SMC2: variants seen among roughly 807,000 people sequenced by gnomAD.
SMC2 encodes structural maintenance of chromosomes protein 2.
Under a neutral mutation model 142.6 loss-of-function variants are expected in SMC2, and 41 were observed. The ratio of observed to expected loss-of-function variants is 0.29; its 90% CI spans 0.22 to 0.37. The LOEUF (loss-of-function observed/expected upper bound fraction) is 0.37, where lower values mean the gene tolerates loss of function less well. SMC2 is among the 10% of genes least tolerant of loss of function. The pLI is 1.00. For missense variants in SMC2, 1,265 were observed against 1,373.7 expected (o/e 0.92, Z 1.25); for synonymous variants, 463 against 457.5 (o/e 1.01, Z -0.15).
At chr9:104,112,567 A>T (rs991842610) in intron 10 of SMC2, among the ~76,000 whole-genome samples, 4 of 152,154 alleles carry the variant, frequency 2.6e-5, no homozygotes, top group Non-Finnish European at 5.9e-5. Flanking sequence ...TCATTCAGGC[A>T]TGACAGATGA....
intron 20 of SMC2, 126 bp from the exon 21 acceptor site, chr9:104,129,518 AT>A (rs1003036231): frequency 9.6e-6 from 7 of 727,310 alleles, no homozygotes; most frequent in East Asian, 2.6e-5. Flanking sequence ...AAAAAAAAAA[AT>A]TAGTCATTGA....
At chr9:104,107,396 G>A (rs1831929940) in intron 9 of SMC2, among the ~76,000 whole-genome samples, 1 of 152,158 alleles carries the variant, frequency 6.6e-6, no homozygotes, top group Non-Finnish European at 1.5e-5. Flanking sequence ...GCCATAGACT[G>A]CAGTCAGCAT....
chr9:104,135,068 T>C (rs967836674), intron 23 of SMC2, among the ~76,000 whole-genome samples: 2 of 152,140 alleles, frequency 1.3e-5, no homozygotes, highest in African/African-American at 4.8e-5. Context: ...AACCAAACTG[T>C]TATTTGTTTA....
In SMC2 at chr9:104,113,268, A is replaced by G. The variant is rs755296522; in HGVS notation, c.1255-48A>G. ...AATCTTCGGCCATTTAATTACTAGC[A>G]CTGTCTGCCTCATACATCCTATGGT... On this transcript the variant is annotated intron_variant, in intron 10 of 24. Coordinates refer to ENST00000374793, the MANE Select transcript of SMC2 (RefSeq NM_006444.3). The G allele has an allele frequency of 2.8e-6, 4 of 1,453,520 alleles. No homozygotes were observed. The South Asian group carries it at 5.6e-5, about 20-fold the overall frequency. The allele number at this position is 1,453,520 out of a possible 1,614,324, so 90.0% of individuals were successfully genotyped here. A position where few individuals can be genotyped will look rare whatever the true frequency, so the allele number is the denominator to read the frequency against.
Position 104,129,862 on chromosome 9 carries a change from T to C in SMC2, c.2991+17T>C, listed in dbSNP as rs774890391. On this transcript the variant is annotated intron_variant, in intron 21 of 24. Coordinates refer to ENST00000374793, the MANE Select transcript of SMC2 (RefSeq NM_006444.3). ...GAAGAGCGAGTAAGTCAATTTCTTA[T>C]GAATATCTGGCCGCATTAGAACATG... 4.4e-6 allele frequency: 7 copies of C among 1,593,988 alleles called. No individual in the cohort carries two copies. The highest frequency in any genetic ancestry group is 1.7e-4 in the Middle Eastern group (1 of 6,042).
intron 24 of SMC2, 69 bp downstream of exon 24, chr9:104,138,234 T>TAGTA (rs1314711664): frequency 8.0e-7 from 1 of 1,254,552 alleles, no homozygotes; most frequent in African/African-American, 1.5e-5. Context: ...ATTCTTTAGT[T>TAGTA]AGTAGTCAAT....
At chr9:104,091,155 TTGCCTAACGACGAGATACGTTC>T (rs1829977207), upstream of SMC2, among the ~76,000 whole-genome samples, 1 of 152,208 alleles carries the variant, frequency 6.6e-6, no homozygotes, top group Non-Finnish European at 1.5e-5. Flanking sequence ...CAGTCATGCG[TTGCCTAACGACGAGATACGTTC>T]TGAGAAACGC....
intron 17 of SMC2, among the ~76,000 whole-genome samples, chr9:104,124,599 A>G (rs569396337): frequency 2.0e-5 from 3 of 151,212 alleles, no homozygotes; most frequent in East Asian, 1.9e-4. Context: ...GAAGCATACA[A>G]TTGCATTAAA....
intron 16 of SMC2, among the ~76,000 whole-genome samples, chr9:104,122,391 T>TA (rs1833833255): frequency 6.6e-6 from 1 of 152,138 alleles, no homozygotes; most frequent in African/African-American, 2.4e-5. Context: ...AATTTGAAGT[T>TA]AAAATTATTG....
chr9:104,111,581 G>T lies in SMC2; in HGVS notation c.1021G>T (p.Asp341Tyr). ...TTTCCATTTGAAACTCTTCCTAAAG[G>T]ACTCAAAAACTTTAGCAGCAAAGGA... ...RKELEKNMVEDSKTLAAKEKE... is the reference protein window; with the variant it reads ...RKELEKNMVEYSKTLAAKEKE... The change falls in exon 10 of 25, where the codon GAC (aspartate) becomes TAC (tyrosine). Residue 341 changes from aspartate to tyrosine, a missense_variant and splice_region_variant. Asp to Tyr is a radical substitution (Grantham distance 160). Transcript: ENST00000374793. The T allele has an allele frequency of 1.2e-6, 2 of 1,604,944 alleles. No individual in the cohort carries two copies. The highest frequency in any genetic ancestry group is 1.7e-6 in the Non-Finnish European group (2 of 1,173,142).
At chr9:104,097,745 T>A (rs1453986396) in intron 3 of SMC2, among the ~76,000 whole-genome samples, 3 of 152,156 alleles carry the variant, frequency 2.0e-5, no homozygotes, top group Non-Finnish European at 4.4e-5. Flanking sequence ...AACCTAGTAG[T>A]CCTGTCAGGA....
Position 104,102,605 on chromosome 9 carries a change from T to C in SMC2, c.1020+32T>C, listed in dbSNP as rs149499224. The C allele has an allele frequency of 4.9e-4, 792 of 1,601,594 alleles. 1 individual carries two copies. The African/African-American group carries it at 8.7e-3, about 18-fold the overall frequency. ...GAGCTTAATGTGCCACTAGTGCCACTTGTAGACAAGTATATAGTCTCATTA... is the reference window on the plus strand; with the variant it reads ...GAGCTTAATGTGCCACTAGTGCCACCTGTAGACAAGTATATAGTCTCATTA... On this transcript the variant is annotated intron_variant, in intron 9 of 24. Coordinates refer to ENST00000374793, the MANE Select transcript of SMC2 (RefSeq NM_006444.3).
chr9:104,092,385 G>A (rs1337938031), upstream of SMC2: 4 of 152,208 alleles, frequency 2.6e-5, no homozygotes, highest in Admixed American at 2.0e-4. Context: ...AAGACTAACA[G>A]TCTGTCTTAA....
chr9:104,140,330 A>G lies in SMC2; in HGVS notation c.*1015A>G, dbSNP rs924228652. The G allele has an allele frequency of 2.6e-5, 4 of 152,138 alleles. No individual in the cohort carries two copies. The highest frequency in any genetic ancestry group is 7.2e-5 in the African/African-American group (3 of 41,438). 9.4% of individuals were successfully genotyped at this position (152,138 alleles called of 1,614,324 possible). A position where few individuals can be genotyped will look rare whatever the true frequency, so the allele number is the denominator to read the frequency against. ...ATGAAATTCCTTTAGAACTTGAAAGATGACACTAGCGAACACCATGAGAAT... is the reference window on the plus strand; with the variant it reads ...ATGAAATTCCTTTAGAACTTGAAAGGTGACACTAGCGAACACCATGAGAAT... On this transcript the variant is annotated 3_prime_UTR_variant, in exon 25 of 25. Coordinates refer to ENST00000374793, the MANE Select transcript of SMC2 (RefSeq NM_006444.3).
chr9:104,125,171 C>A, intron 18 of SMC2, 66 bp downstream of exon 18: 1 of 1,156,932 alleles, frequency 8.6e-7, no homozygotes, highest in Non-Finnish European at 1.2e-6. Context: ...GGTGGTAGAG[C>A]ATCATTGGTT....
At chr9:104,135,964 G>A (rs1436859129) in intron 23 of SMC2, 2 of 516,894 alleles carry the variant, frequency 3.9e-6, no homozygotes, top group Non-Finnish European at 7.7e-6. Context: ...AAGGAAAGAA[G>A]AGTGTTGGAA....
intron 17 of SMC2, among the ~76,000 whole-genome samples, chr9:104,123,880 A>C (rs1179212754): frequency 1.3e-5 from 2 of 152,180 alleles, no homozygotes; most frequent in Admixed American, 6.5e-5. Context: ...TTTCCTTAGA[A>C]TTTAATTGTA....
chr9:104,138,373 A>G (rs895182814), intron 24 of SMC2, among the ~76,000 whole-genome samples: 2 of 152,192 alleles, frequency 1.3e-5, no homozygotes, highest in Non-Finnish European at 1.5e-5. Flanking sequence ...GGCATTAAAA[A>G]TGTTGGTTGT....
chr9:104,096,618 C>T (rs1047581504), intron 3 of SMC2, among the ~76,000 whole-genome samples: 4 of 152,186 alleles, frequency 2.6e-5, no homozygotes, highest in African/African-American at 7.2e-5. Flanking sequence ...TCTGAGATAA[C>T]CCATTCTGTT....
Sources: gnomAD v4.1 joint callset for allele counts (sites outside exome capture counted in the v4.1 genomes callset) on GRCh38, gnomAD v4.1.1 for gene constraint, MANE v1.5 for transcripts, NCBI Gene and HGNC (gene_info 2026-07-23, HGNC 2026-07-21) for gene names.